The following GPR135 variants were observed in gnomAD, a reference collection of about 807,000 sequenced individuals.
The protein encoded by GPR135 is G protein-coupled receptor 135, also known as G-protein coupled receptor 135.
GPR135 carries 17 observed loss-of-function variants against 15.0 expected under a neutral mutation model. The observed-to-expected ratio is 1.13, with a 90% CI of 0.78 to 1.70. GPR135 has a LOEUF of 1.70. Among genes scored for constraint, GPR135 ranks in the 40% most tolerant of loss-of-function variants. GPR135 has a pLI of 0.00. For synonymous variants in GPR135, 368 were observed against 349.4 expected (o/e 1.05, Z -0.59); for missense variants, 776 against 727.0 (o/e 1.07, Z -0.78).
At chr14:59,452,874 T>C (rs1250359561) in intron 6 of GPR135, among the ~76,000 whole-genome samples, 1 of 152,114 alleles carries the variant, frequency 6.6e-6, no homozygotes, top group Non-Finnish European at 1.5e-5. Flanking sequence ...CTATGGTACA[T>C]CCAGACAATG....
At position 59,464,027 on chromosome 14, in the gene GPR135, G is replaced by C; in HGVS notation, c.1200C>G (p.Arg400=). Residue 400 remains arginine, a synonymous_variant, in exon 1 of 1, where the codon CGC becomes CGG. Transcript: ENST00000395116. ...RNPNISMLLG[R]NREEGYRTRN... is the part of the protein sequence containing the mutation. ...TAGTCCGGTAGCCCTCCTCGCGGTT[G>C]CGCCCTAGGAGCATCGAAATGTTGG... 1.9e-6 allele frequency: 3 copies of C among 1,613,860 alleles called. No homozygotes were observed. The highest frequency in any genetic ancestry group is 2.5e-6 in the Non-Finnish European group (3 of 1,180,020).
At chr14:59,459,450 A>G (rs2139766843), downstream of GPR135, among the ~76,000 whole-genome samples, 2 of 152,240 alleles carry the variant, frequency 1.3e-5, no homozygotes, top group Middle Eastern at 3.4e-3. Context: ...GTGGGAGATA[A>G]TTACTCAGCA....
chr14:59,455,253 C>G (rs1431029556), intron 6 of GPR135, among the ~76,000 whole-genome samples: 1 of 152,162 alleles, frequency 6.6e-6, no homozygotes, highest in African/African-American at 2.4e-5. Context: ...TTTGGGGCAC[C>G]TGAAAGCAAA....
In GPR135 at chr14:59,462,794, A is replaced by C. The variant is rs1888915656; in HGVS notation, c.*948T>G. On this transcript the variant is annotated 3_prime_UTR_variant, in exon 1 of 1. Transcript: ENST00000395116. ...TTAAAAAATAATAAAAATTTAAATA[A>C]AGTGGCATCACTCACCTTATTCAAT... 6.6e-6 allele frequency: 1 copy of C among 152,172 alleles called. No homozygotes were observed. The highest frequency in any genetic ancestry group is 2.1e-4 in the South Asian group (1 of 4,834). 9.4% of individuals were successfully genotyped at this position (152,172 alleles called of 1,614,324 possible).
chr14:59,464,752 CG>C lies in GPR135; in HGVS notation c.474del (p.Ala159ProfsTer77). The C allele has an allele frequency of 6.4e-7, 1 of 1,567,316 alleles. No homozygotes were observed. The highest frequency in any genetic ancestry group is 8.6e-7 in the Non-Finnish European group (1 of 1,156,380). On this transcript the variant is annotated frameshift_variant, in exon 1 of 1. Coordinates refer to ENST00000395116, the MANE Select transcript of GPR135 (RefSeq NM_022571.6). LOFTEE classifies it high-confidence loss of function. Reference protein sequence around the residue: ...SDLLTALLCLPAAFLDLFTPP... With the variant: ...SDLLTALLCLXAAFLDLFTPP... ...GGAGTGAAGAGGTCCAGGAAGGCGG[CG>C]GGCAGGCAGAGCAGCGCCGTGAGCA...
At chr14:59,455,770 G>C (rs967705683), downstream of GPR135, 2 of 152,348 alleles carry the variant, frequency 1.3e-5, no homozygotes, top group East Asian at 1.9e-4. Flanking sequence ...ACTTGAGAAA[G>C]AGCAATGAGA....
chr14:59,463,978 T>C lies in GPR135; in HGVS notation c.1249A>G (p.Ser417Gly). 6.2e-7 allele frequency: 1 copy of C among 1,614,044 alleles called. No homozygotes were observed. The highest frequency in any genetic ancestry group is 1.3e-5 in the African/African-American group (1 of 75,072). Residue 417 changes from serine to glycine, a missense_variant, in exon 1 of 1, where the codon AGC (serine) becomes GGC (glycine). Physicochemically the swap from Ser to Gly is moderately conservative, Grantham distance 56. Coordinates refer to ENST00000395116, the MANE Select transcript of GPR135 (RefSeq NM_022571.6). ...CTGGCTTGCAGACCCGGGCCCTGGC[T>C]GGGCAGGAAAGCGTCCACATTCCTA... is the stretch of plus-strand genomic sequence containing the variant. Reference protein sequence around the residue: ...RTRNVDAFLPSQGPGLQARSR... With the variant: ...RTRNVDAFLPGQGPGLQARSR...
In GPR135 at chr14:59,464,403, G is replaced by A. The variant is rs771776822; in HGVS notation, c.824C>T (p.Ala275Val). Residue 275 changes from alanine to valine, a missense_variant, in exon 1 of 1, where the codon GCG (alanine) becomes GTG (valine). Physicochemically the swap from Ala to Val is moderately conservative, Grantham distance 64 (BLOSUM62 0). Coordinates refer to ENST00000395116, the MANE Select transcript of GPR135 (RefSeq NM_022571.6). ...RTSPDPAQLG[A>V]AFSVGLVVAC... ...CACCACCAGCCCCACGCTGAAGGCC[G>A]CGCCCAGCTGCGCGGGGTCCGGGGA... 9.4e-6 allele frequency: 15 copies of A among 1,595,098 alleles called. No homozygotes were observed. The highest frequency in any genetic ancestry group is 1.3e-5 in the African/African-American group (1 of 74,768).
At chr14:59,457,662 TTTC>T (rs1367725210), downstream of GPR135, among the ~76,000 whole-genome samples, 1 of 152,168 alleles carries the variant, frequency 6.6e-6, no homozygotes, top group Non-Finnish European at 1.5e-5. Flanking sequence ...CATTTCCATG[TTTC>T]TTTTTTTATA....
chr14:59,464,831 C>T lies in GPR135; in HGVS notation c.396G>A (p.Arg132=). The T allele has an allele frequency of 6.3e-7, 1 of 1,593,284 alleles. No homozygotes were observed. Among genetic ancestry groups the T allele is most frequent in the South Asian group, 1.1e-5 (1 of 87,624 alleles). ...AGGCGTTGGTGACGGTGCGGAGCTG[C>T]CGGTGCTTCACAATCACCCCCATCA... ...CAVMGVIVKH[R]QLRTVTNAFI... is the part of the protein sequence containing the mutation. Residue 132 remains arginine, a synonymous_variant, in exon 1 of 1, where the codon CGG becomes CGA. Transcript: ENST00000395116.
In GPR135 at chr14:59,463,993, C is replaced by T. The variant is rs140118370; in HGVS notation, c.1234G>A (p.Asp412Asn). 1.1e-4 allele frequency: 171 copies of T among 1,614,038 alleles called. No homozygotes were observed. The African/African-American group carries it at 1.6e-3, about 15-fold the overall frequency. Residue 412 changes from aspartate to asparagine, a missense_variant, in exon 1 of 1, where the codon GAC becomes AAC. Transcript: ENST00000395116. Reference protein sequence around the residue: ...REEGYRTRNVDAFLPSQGPGL... With the variant: ...REEGYRTRNVNAFLPSQGPGL... ...GGGCCCTGGCTGGGCAGGAAAGCGTCCACATTCCTAGTCCGGTAGCCCTCC... is the reference window on the plus strand; with the variant it reads ...GGGCCCTGGCTGGGCAGGAAAGCGTTCACATTCCTAGTCCGGTAGCCCTCC...
chr14:59,464,945 CGCCGCCTCCGGGCCTAGCG>C lies in GPR135; in HGVS notation c.263_281del (p.Pro88ArgfsTer31), dbSNP rs1468967444. 1.5e-5 allele frequency: 23 copies of C among 1,547,374 alleles called. No individual in the cohort carries two copies. The highest frequency in any genetic ancestry group is 4.3e-6 in the Non-Finnish European group (5 of 1,150,192). On this transcript the variant is annotated frameshift_variant, in exon 1 of 1. Transcript: ENST00000395116. LOFTEE classifies it high-confidence loss of function. ...CTGCAGCTCCGTGCGACAGCAGCGG[CGCCGCCTCCGGGCCTAGCG>C]GCCGCCTCACCGCCGCCCCCGCCTC...
At chr14:59,457,220 T>A (rs551066112), downstream of GPR135, among the ~76,000 whole-genome samples, 4 of 152,372 alleles carry the variant, frequency 2.6e-5, no homozygotes, top group Admixed American at 2.6e-4. Flanking sequence ...TTTCTCTTGC[T>A]GCTTTCAAGG....
At chr14:59,454,352 G>C (rs574491047) in intron 6 of GPR135, among the ~76,000 whole-genome samples, 2 of 152,306 alleles carry the variant, frequency 1.3e-5, no homozygotes, top group South Asian at 4.1e-4. Flanking sequence ...ACAGCCTATT[G>C]TGGGAACCCT....
At chr14:59,458,533 A>G (rs1200801971), downstream of GPR135, among the ~76,000 whole-genome samples, 1 of 152,136 alleles carries the variant, frequency 6.6e-6, no homozygotes, top group Non-Finnish European at 1.5e-5. Context: ...GTTCCTTTGG[A>G]GAGAGCTTCA....
At position 59,462,796 on chromosome 14, in the gene GPR135, G is replaced by T. The variant is rs892783544; in HGVS notation, c.*946C>A. 1.3e-5 allele frequency: 2 copies of T among 152,064 alleles called. No homozygotes were observed. 9.4% of individuals were successfully genotyped at this position (152,064 alleles called of 1,614,324 possible). A position where few individuals can be genotyped will look rare whatever the true frequency, so the allele number is the denominator to read the frequency against. On this transcript the variant is annotated 3_prime_UTR_variant, in exon 1 of 1. Coordinates refer to ENST00000395116, the MANE Select transcript of GPR135 (RefSeq NM_022571.6). ...AAAAAATAATAAAAATTTAAATAAA[G>T]TGGCATCACTCACCTTATTCAATCA...
Position 59,463,583 on chromosome 14 carries a change from G to A in GPR135, c.*159C>T. 1.5e-6 allele frequency: 1 copy of A among 675,510 alleles called. No individual in the cohort carries two copies. The highest frequency in any genetic ancestry group is 2.4e-6 in the Non-Finnish European group (1 of 416,336). 41.8% of individuals were successfully genotyped at this position (675,510 alleles called of 1,614,324 possible). On this transcript the variant is annotated 3_prime_UTR_variant, in exon 1 of 1. Transcript: ENST00000395116. ...TTCCTTTTGGCACTTTTGAAGAAGG[G>A]ACATTGTCTTTTATGTTGTTTGGGG... is the stretch of plus-strand genomic sequence containing the variant.
downstream of GPR135, among the ~76,000 whole-genome samples, chr14:59,456,092 T>C (rs1364612997): frequency 6.6e-6 from 1 of 152,138 alleles, no homozygotes; most frequent in East Asian, 1.9e-4. Flanking sequence ...GAAGTGCAAG[T>C]CATCTTGCAA....
chr14:59,455,118 G>A (rs1373288004), intron 6 of GPR135, among the ~76,000 whole-genome samples: 1 of 151,878 alleles, frequency 6.6e-6, no homozygotes, highest in Non-Finnish European at 1.5e-5. Context: ...AAAAATCAAG[G>A]AGAATTTAGA....
Sources: gnomAD v4.1 joint callset for allele counts (sites outside exome capture counted in the v4.1 genomes callset) on GRCh38, gnomAD v4.1.1 for gene constraint, MANE v1.5 for transcripts, NCBI Gene and HGNC (gene_info 2026-07-23, HGNC 2026-07-21) for gene names.